ESR1: variants seen among roughly 807,000 people sequenced by gnomAD.
ESR1 encodes estrogen receptor.
A neutral mutation model predicts 52.7 loss-of-function variants in ESR1; 12 were observed. The ratio of observed to expected loss-of-function variants is 0.23; its 90% CI spans 0.15 to 0.37. The LOEUF (loss-of-function observed/expected upper bound fraction) is 0.37. Among genes scored for constraint, ESR1 ranks in the 10% least tolerant of loss-of-function variants. The pLI is 1.00. For missense variants in ESR1, 584 were observed against 779.7 expected, an observed-to-expected ratio of 0.75 and a Z score of 2.99; for synonymous variants, 305 against 316.8, an observed-to-expected ratio of 0.96 and a Z score of 0.39.
intron 2 of ESR1, among the ~76,000 whole-genome samples, chr6:151,758,496 C>T (rs537947527): frequency 1.3e-5 from 2 of 152,262 alleles, no homozygotes; most frequent in Admixed American, 6.5e-5. Flanking sequence ...GATGGTGGCT[C>T]ATGCCTGTAA....
chr6:151,939,779 GT>G (rs1033273748), intron 3 of ESR1, among the ~76,000 whole-genome samples: 1 of 151,584 alleles, frequency 6.6e-6, no homozygotes, highest in African/African-American at 2.4e-5. Flanking sequence ...TTATATTATT[GT>G]TTTTTTGTTT....
intron 4 of ESR1, among the ~76,000 whole-genome samples, chr6:151,979,030 G>A (rs1194926452): frequency 6.6e-6 from 1 of 152,202 alleles, no homozygotes; most frequent in Non-Finnish European, 1.5e-5. Flanking sequence ...TAGTATGTAA[G>A]TCGGGAGGAG....
Position 151,773,192 on chromosome 6 carries a change from G to A in ESR1, c.-70-34651G>A, listed in dbSNP as rs533043987. On this transcript the variant is annotated intron_variant, in intron 2 of 2. Transcript: ENST00000404742. The stretch of plus-strand genomic sequence containing the variant: ...GAGACACACACATAGGGAGAAAGAC[G>A]TGATGATGAAGGCAGAGTGGGGGGT... Among the ~76,000 whole-genome samples the A allele has an allele frequency of 2.6e-5, 4 of 152,266 alleles. No individual in the cohort carries two copies. In the East Asian group the frequency reaches 5.8e-4, roughly 22 times the overall value.
chr6:151,786,769 C>A (rs1787070061), intron 2 of ESR1, among the ~76,000 whole-genome samples: 1 of 151,678 alleles, frequency 6.6e-6, no homozygotes, highest in Non-Finnish European at 1.5e-5. Context: ...GCTAGTTATC[C>A]CAGCCTTAGT....
chr6:151,664,067 C>T (rs73780835), intron 1 of ESR1, among the ~76,000 whole-genome samples: 1,746 of 152,110 alleles, frequency 0.011, 25 homozygotes, highest in African/African-American at 0.04. Flanking sequence ...TTCTTTGATG[C>T]CATCCCAGGT....
intron 6 of ESR1, among the ~76,000 whole-genome samples, chr6:152,066,455 C>T (rs571636704): frequency 2.6e-5 from 4 of 152,288 alleles, no homozygotes; most frequent in Admixed American, 6.5e-5. Context: ...CTGACAGGAA[C>T]GGCCCTTGGA....
intron 6 of ESR1, among the ~76,000 whole-genome samples, chr6:152,065,991 T>C (rs1210722506): frequency 2.0e-5 from 3 of 152,210 alleles, no homozygotes; most frequent in Admixed American, 2.0e-4. Flanking sequence ...CTCTAAAATG[T>C]GTACTTTAGT....
intron 3 of ESR1, among the ~76,000 whole-genome samples, chr6:151,928,581 C>T (rs928497080): frequency 6.6e-6 from 1 of 151,706 alleles, no homozygotes; most frequent in Admixed American, 6.6e-5. Context: ...CTATATTATT[C>T]TTTCTCTTCT....
At chr6:151,948,549 A>G (rs2035969831) in intron 4 of ESR1, among the ~76,000 whole-genome samples, 2 of 151,994 alleles carry the variant, frequency 1.3e-5, no homozygotes, top group Non-Finnish European at 2.9e-5. Context: ...GAAACATGTC[A>G]CCTTAACCAC....
At chr6:151,657,349 G>A (rs1257388353) in intron 1 of ESR1, among the ~76,000 whole-genome samples, 1 of 152,144 alleles carries the variant, frequency 6.6e-6, no homozygotes, top group African/African-American at 2.4e-5. Flanking sequence ...TTTAGTCATT[G>A]TAAATTACAT....
chr6:151,906,927 G>A (rs533212869), intron 3 of ESR1, among the ~76,000 whole-genome samples: 102 of 150,702 alleles, frequency 6.8e-4, no homozygotes, highest in African/African-American at 2.4e-3. Context: ...AGAGAATTTT[G>A]TTTATTATGT....
chr6:151,944,432 T>A lies in ESR1; in HGVS notation c.1020T>A (p.Ala340=), dbSNP rs956901563. The A allele has an allele frequency of 5.9e-5, 95 of 1,614,050 alleles. No homozygotes were observed. Among genetic ancestry groups the A allele is most frequent in the Non-Finnish European group, 7.7e-5 (91 of 1,180,042 alleles). The change falls in exon 4 of 8, where the codon GCT becomes GCA. Residue 340 remains alanine (A), a synonymous_variant. Transcript: ENST00000206249. ...EYDPTRPFSE[A]SMMGLLTNLA... ...ATCCTACCAGACCCTTCAGTGAAGCTTCGATGATGGGCTTACTGACCAACC... is the reference window on the plus strand; with the variant it reads ...ATCCTACCAGACCCTTCAGTGAAGCATCGATGATGGGCTTACTGACCAACC...
At chr6:152,071,505 A>G (rs938551127) in intron 6 of ESR1, among the ~76,000 whole-genome samples, 4 of 152,206 alleles carry the variant, frequency 2.6e-5, no homozygotes, top group Non-Finnish European at 4.4e-5. Flanking sequence ...GTGCTTGCCC[A>G]TGAGATGGAG....
At chr6:152,015,696 A>G (rs2043115543) in intron 5 of ESR1, among the ~76,000 whole-genome samples, 1 of 152,154 alleles carries the variant, frequency 6.6e-6, no homozygotes, top group Non-Finnish European at 1.5e-5. Flanking sequence ...ATTGCTACTC[A>G]TCAATTCCCC....
chr6:151,722,367 C>G (rs1359266408), intron 2 of ESR1, among the ~76,000 whole-genome samples: 1 of 152,140 alleles, frequency 6.6e-6, no homozygotes, highest in East Asian at 1.9e-4. Flanking sequence ...TGAGAAGTCC[C>G]TCATGGAAGA....
chr6:151,787,613 A>T (rs1443486526), intron 2 of ESR1, among the ~76,000 whole-genome samples: 1 of 152,054 alleles, frequency 6.6e-6, no homozygotes, highest in African/African-American at 2.4e-5. Flanking sequence ...GCAATTGTGA[A>T]TGGGATTGTG....
chr6:152,070,607 G>A lies in ESR1; in HGVS notation c.1369+9483G>A, dbSNP rs879647659. Among the ~76,000 whole-genome samples the A allele has an allele frequency of 8.0e-5, 11 of 138,334 alleles. 2 individuals are homozygous for A. Among genetic ancestry groups the A allele is most frequent in the Non-Finnish European group, 1.6e-4 (11 of 66,884 alleles). The allele number at this position is 138,334 out of a possible 152,430, so 90.8% of individuals were successfully genotyped here. On this transcript the variant is annotated intron_variant, in intron 6 of 7. Coordinates refer to ENST00000206249, the MANE Select transcript of ESR1 (RefSeq NM_000125.4). ...AACTCACAGCACTTAGCCAGAATAT[G>A]TACATCTGCATCTGCCACTCATGGC...
At chr6:151,666,285 G>A (rs919822145) in intron 1 of ESR1, among the ~76,000 whole-genome samples, 2 of 152,212 alleles carry the variant, frequency 1.3e-5, no homozygotes, top group Non-Finnish European at 2.9e-5. Flanking sequence ...AAAAAGTTGT[G>A]TGGTTGGTGT....
chr6:151,874,971 C>A (rs922906203), intron 2 of ESR1, among the ~76,000 whole-genome samples: 2 of 152,078 alleles, frequency 1.3e-5, no homozygotes, highest in Non-Finnish European at 2.9e-5. Flanking sequence ...CCATAACCAA[C>A]GTATTATAGC....
Sources: gnomAD v4.1 joint callset for allele counts (sites outside exome capture counted in the v4.1 genomes callset) on GRCh38, gnomAD v4.1.1 for gene constraint, MANE v1.5 for transcripts, NCBI Gene and HGNC (gene_info 2026-07-23, HGNC 2026-07-21) for gene names.